The following CDH13 variants were observed in gnomAD, a reference collection of about 807,000 sequenced individuals.
CDH13 encodes cadherin 13.
Under a neutral mutation model 63.8 loss-of-function variants are expected in CDH13, and 24 were observed. That is an observed-to-expected ratio of 0.38 (90% CI 0.27 to 0.53). The LOEUF (loss-of-function observed/expected upper bound fraction) is 0.53. Among genes scored for constraint, CDH13 ranks in the 20% least tolerant of loss-of-function variants. The pLI, the probability that CDH13 is intolerant of heterozygous loss-of-function variation, is 0.85. For synonymous variants in CDH13, 503 were observed against 355.3 expected, an observed-to-expected ratio of 1.42 and a Z score of -4.67; for missense variants, 1,049 against 903.1, an observed-to-expected ratio of 1.16 and a Z score of -2.07.
intron 13 of CDH13, among the ~76,000 whole-genome samples, chr16:83,794,248 T>G (rs1418178565): frequency 6.6e-6 from 1 of 152,214 alleles, no homozygotes; most frequent in Non-Finnish European, 1.5e-5. Context: ...AACAGGAAAT[T>G]AACATACCAT....
At chr16:83,681,848 G>A (rs1043016255) in intron 10 of CDH13, among the ~76,000 whole-genome samples, 10 of 152,088 alleles carry the variant, frequency 6.6e-5, no homozygotes, top group Non-Finnish European at 1.0e-4. Flanking sequence ...GGGCTACCCC[G>A]GCTTCTCAGA....
intron 5 of CDH13, among the ~76,000 whole-genome samples, chr16:83,312,932 A>G (rs929423380): frequency 3.9e-5 from 6 of 152,194 alleles, no homozygotes; most frequent in African/African-American, 1.4e-4. Context: ...TATTAGATAC[A>G]CCATTCCAAA....
chr16:83,046,111 A>G (rs538443560), intron 3 of CDH13, among the ~76,000 whole-genome samples: 1 of 152,276 alleles, frequency 6.6e-6, no homozygotes, highest in East Asian at 1.9e-4. Context: ...TAATCTCATC[A>G]TAGTTGATGT....
chr16:83,084,583 C>G (rs548735701), intron 3 of CDH13, among the ~76,000 whole-genome samples: 1 of 152,324 alleles, frequency 6.6e-6, no homozygotes, highest in East Asian at 1.9e-4. Flanking sequence ...ATATGTGACA[C>G]AGCTGATTTA....
chr16:82,675,073 G>A (rs1913741120), intron 1 of CDH13, among the ~76,000 whole-genome samples: 1 of 151,654 alleles, frequency 6.6e-6, no homozygotes, highest in African/African-American at 2.4e-5. Flanking sequence ...AACATTTTTG[G>A]CATAGTTAGG....
chr16:82,874,637 G>C (rs1250721048), intron 2 of CDH13, among the ~76,000 whole-genome samples: 1 of 152,148 alleles, frequency 6.6e-6, no homozygotes, highest in Non-Finnish European at 1.5e-5. Context: ...ATAGAGGAAG[G>C]GGGGATTCCA....
intron 11 of CDH13, among the ~76,000 whole-genome samples, chr16:83,755,322 G>T (rs1256061623): frequency 6.6e-6 from 1 of 152,144 alleles, no homozygotes; most frequent in African/African-American, 2.4e-5. Context: ...TCTGCCAAAA[G>T]ACTAGTGTGT....
intron 2 of CDH13, among the ~76,000 whole-genome samples, chr16:82,897,057 G>A (rs965375466): frequency 5.9e-5 from 9 of 152,194 alleles, no homozygotes; most frequent in South Asian, 4.2e-4. Flanking sequence ...TGGGATTACA[G>A]GCATGAGCCA....
rs1433029151 is a variant in CDH13, at chr16:83,106,066, T to C, written c.367-19319T>C. On this transcript the variant is annotated intron_variant, in intron 3 of 13. Coordinates refer to ENST00000567109, the MANE Select transcript of CDH13 (RefSeq NM_001257.5). ...ATGATTTTATTCCACTGGTGGGTTATTTGTCAATATGTTACAGGACTTTTA... is the reference window on the plus strand; with the variant it reads ...ATGATTTTATTCCACTGGTGGGTTACTTGTCAATATGTTACAGGACTTTTA... Among the ~76,000 whole-genome samples, 3 of 152,234 alleles carry C rather than the reference T, an allele frequency of 2.0e-5. No homozygotes were observed. The East Asian group carries it at 5.8e-4, about 29-fold the overall frequency.
At chr16:83,299,334 A>G (rs532102676) in intron 5 of CDH13, among the ~76,000 whole-genome samples, 2 of 151,982 alleles carry the variant, frequency 1.3e-5, no homozygotes, top group South Asian at 2.1e-4. Context: ...CATTATAAGG[A>G]AATCTAGGGA....
At chr16:82,957,246 G>C (rs1906259242) in intron 2 of CDH13, among the ~76,000 whole-genome samples, 1 of 152,102 alleles carries the variant, frequency 6.6e-6, no homozygotes, top group African/African-American at 2.4e-5. Flanking sequence ...ACTAAATCTA[G>C]CTGCAAGGAA....
intron 1 of CDH13, among the ~76,000 whole-genome samples, chr16:82,703,574 CT>C (rs1330590544): frequency 6.6e-6 from 1 of 152,172 alleles, no homozygotes; most frequent in Non-Finnish European, 1.5e-5. Flanking sequence ...GCTTTACTGG[CT>C]TTCTTTTCAT....
chr16:83,305,511 T>C (rs1597709094), intron 5 of CDH13, among the ~76,000 whole-genome samples: 1 of 152,342 alleles, frequency 6.6e-6, no homozygotes. Flanking sequence ...GGGTTTTGTC[T>C]TTCTTTGTAC....
chr16:83,553,331 C>G (rs969598200), intron 7 of CDH13, among the ~76,000 whole-genome samples: 17 of 152,252 alleles, frequency 1.1e-4, no homozygotes, highest in African/African-American at 4.1e-4. Context: ...TTGTAGGCAA[C>G]ACAGGAAATA....
chr16:83,521,785 G>A (rs1261227182), intron 7 of CDH13, among the ~76,000 whole-genome samples: 2 of 152,154 alleles, frequency 1.3e-5, no homozygotes, highest in Non-Finnish European at 2.9e-5. Context: ...AGAGGGGCCT[G>A]GCTAGTGCTG....
intron 6 of CDH13, among the ~76,000 whole-genome samples, chr16:83,483,056 C>A (rs957745147): frequency 2.6e-5 from 4 of 152,102 alleles, no homozygotes; most frequent in Non-Finnish European, 4.4e-5. Context: ...TCACAACAAC[C>A]AAAGGGGAAT....
intron 8 of CDH13, among the ~76,000 whole-genome samples, chr16:83,603,008 G>A (rs1439735975): frequency 6.6e-6 from 1 of 152,202 alleles, no homozygotes; most frequent in African/African-American, 2.4e-5. Context: ...AGATTTCCTA[G>A]TCCATAACAA....
At chr16:83,667,510 G>C (rs920472448) in intron 8 of CDH13, among the ~76,000 whole-genome samples, 5 of 151,994 alleles carry the variant, frequency 3.3e-5, no homozygotes, top group Admixed American at 2.0e-4. Context: ...CTTCAGACCT[G>C]CTCATGTGTT....
chr16:83,306,980 T>G (rs199733639), intron 5 of CDH13, among the ~76,000 whole-genome samples: 1 of 152,316 alleles, frequency 6.6e-6, no homozygotes, highest in Admixed American at 6.5e-5. Flanking sequence ...AGCCTCTAGA[T>G]AGTAATGCAT....
Sources: allele counts gnomAD v4.1 joint callset (sites outside exome capture counted in the v4.1 genomes callset), GRCh38; gene constraint gnomAD v4.1.1; transcripts MANE v1.5; gene names NCBI Gene and HGNC (gene_info 2026-07-23, HGNC 2026-07-21).